Variants in LRMDA observed in about 807,000 individuals in gnomAD.
LRMDA encodes the protein leucine rich melanocyte differentiation associated.
Under a neutral mutation model 29.8 loss-of-function variants are expected in LRMDA, and 18 were observed. That is an observed-to-expected ratio of 0.60 (90% confidence interval 0.42 to 0.90). LRMDA has a LOEUF of 0.90. Ranked by LOEUF, LRMDA falls within the 40% of genes least tolerant of loss-of-function variation. The probability of loss-of-function intolerance (pLI) is 0.00; values close to 1 mark genes in which losing one functional copy is unlikely to be tolerated. For synonymous variants in LRMDA, 125 were observed against 109.4 expected (o/e 1.14, Z -0.89); for missense variants, 273 against 273.9 (o/e 1.00, Z 0.02).
At chr10:76,557,072 C>T in intron 6 of LRMDA, 137 bp from the exon 7 acceptor site, 8 of 681,714 alleles carry the variant, frequency 1.2e-5, no homozygotes, top group Non-Finnish European at 1.8e-5. Flanking sequence ...AGGGAGAGTT[C>T]TTCCCTTCTG....
intron 2 of LRMDA, among the ~76,000 whole-genome samples, chr10:75,847,132 G>T (rs928757840): frequency 2.0e-5 from 3 of 152,040 alleles, no homozygotes; most frequent in African/African-American, 7.2e-5. Flanking sequence ...TAATCAAGAT[G>T]GTGTGCTATT....
chr10:75,525,827 T>G (rs2132039841), intron 2 of LRMDA, among the ~76,000 whole-genome samples: 1 of 151,606 alleles, frequency 6.6e-6, no homozygotes, highest in South Asian at 2.1e-4. Flanking sequence ...TTATAAAGCC[T>G]TTCGTAATAT....
chr10:76,353,121 C>A (rs995370641), intron 6 of LRMDA, among the ~76,000 whole-genome samples: 1 of 152,052 alleles, frequency 6.6e-6, no homozygotes, highest in African/African-American at 2.4e-5. Flanking sequence ...ATCAGAGTCT[C>A]AGTGTAGACT....
At chr10:76,553,688 AACACAAAAGTC>A (rs1241698562) in intron 6 of LRMDA, among the ~76,000 whole-genome samples, 2 of 152,250 alleles carry the variant, frequency 1.3e-5, no homozygotes, top group East Asian at 1.9e-4. Flanking sequence ...TTTATTTTTG[AACACAAAAGTC>A]ACATATTGGG....
At chr10:75,717,253 A>G (rs907543870) in intron 2 of LRMDA, among the ~76,000 whole-genome samples, 3 of 152,186 alleles carry the variant, frequency 2.0e-5, no homozygotes, top group Non-Finnish European at 2.9e-5. Flanking sequence ...TGAGTGTGAC[A>G]GAATGACTTC....
At chr10:75,527,058 A>G (rs1458067027) in intron 2 of LRMDA, among the ~76,000 whole-genome samples, 1 of 152,148 alleles carries the variant, frequency 6.6e-6, no homozygotes, top group Non-Finnish European at 1.5e-5. Context: ...ACTCCTGGCA[A>G]CCACTAATCT....
intron 5 of LRMDA, among the ~76,000 whole-genome samples, chr10:76,126,224 C>T (rs889103794): frequency 6.6e-6 from 1 of 152,196 alleles, no homozygotes; most frequent in Non-Finnish European, 1.5e-5. Flanking sequence ...CTGGCTTTTC[C>T]AGTTGCCTCT....
At chr10:76,383,067 A>T (rs532289274) in intron 6 of LRMDA, among the ~76,000 whole-genome samples, 1 of 152,346 alleles carries the variant, frequency 6.6e-6, no homozygotes, top group African/African-American at 2.4e-5. Context: ...CTCAAGCTAC[A>T]TGTCTCAATC....
intron 2 of LRMDA, among the ~76,000 whole-genome samples, chr10:75,810,187 A>G (rs1183696778): frequency 3.3e-5 from 5 of 152,226 alleles, no homozygotes; most frequent in Non-Finnish European, 7.3e-5. Flanking sequence ...GTGGGGCATG[A>G]CGAGGCCAGG....
intron 5 of LRMDA, among the ~76,000 whole-genome samples, chr10:76,133,859 G>A (rs932957761): frequency 1.3e-4 from 20 of 152,168 alleles, no homozygotes; most frequent in Non-Finnish European, 2.2e-4. Flanking sequence ...GGGGAGATGA[G>A]GATGGGGGTG....
At chr10:75,908,653 G>A (rs57696672) in intron 2 of LRMDA, among the ~76,000 whole-genome samples, 2 of 152,200 alleles carry the variant, frequency 1.3e-5, no homozygotes, top group African/African-American at 2.4e-5. Flanking sequence ...GCTCTCCATC[G>A]ATGTCATCCT....
At chr10:75,922,162 A>G (rs1476806055) in intron 2 of LRMDA, among the ~76,000 whole-genome samples, 1 of 152,136 alleles carries the variant, frequency 6.6e-6, no homozygotes, top group African/African-American at 2.4e-5. Flanking sequence ...CATTCCTTCC[A>G]TGCTCCATCA....
At chr10:75,937,711 C>T (rs1398684569) in intron 2 of LRMDA, among the ~76,000 whole-genome samples, 1 of 152,188 alleles carries the variant, frequency 6.6e-6, no homozygotes, top group African/African-American at 2.4e-5. Context: ...GACTTCACTT[C>T]CACCTGGGGC....
At chr10:75,723,750 T>C (rs1274907791) in intron 2 of LRMDA, among the ~76,000 whole-genome samples, 1 of 152,168 alleles carries the variant, frequency 6.6e-6, no homozygotes, top group Non-Finnish European at 1.5e-5. Flanking sequence ...ATACATAAAA[T>C]TGCACTGATG....
At chr10:75,644,740 A>T (rs139939233) in intron 2 of LRMDA, among the ~76,000 whole-genome samples, 1 of 152,150 alleles carries the variant, frequency 6.6e-6, no homozygotes, top group African/African-American at 2.4e-5. Context: ...CATGCCGCCA[A>T]CTGATTCTCT....
intron 5 of LRMDA, among the ~76,000 whole-genome samples, chr10:76,135,948 C>T (rs529494672): frequency 6.6e-6 from 1 of 152,102 alleles, no homozygotes; most frequent in Non-Finnish European, 1.5e-5. Context: ...AATTGTATTA[C>T]CCAAGAACTT....
At chr10:76,510,215 C>T (rs1181067498) in intron 6 of LRMDA, among the ~76,000 whole-genome samples, 2 of 151,978 alleles carry the variant, frequency 1.3e-5, no homozygotes, top group Non-Finnish European at 2.9e-5. Context: ...AGACTACAAG[C>T]GTGTGCCACC....
intron 6 of LRMDA, among the ~76,000 whole-genome samples, chr10:76,468,010 C>T (rs968406687): frequency 5.3e-5 from 8 of 152,166 alleles, no homozygotes; most frequent in Middle Eastern, 3.2e-3. Flanking sequence ...TTTAAATTAT[C>T]CTAACTTTAT....
At chr10:76,533,986 TG>T (rs1391321026) in intron 6 of LRMDA, among the ~76,000 whole-genome samples, 1 of 152,190 alleles carries the variant, frequency 6.6e-6, no homozygotes, top group Non-Finnish European at 1.5e-5. Flanking sequence ...TGGAATCTAG[TG>T]GGATGCTCAT....
Sources: allele counts gnomAD v4.1 joint callset (sites outside exome capture counted in the v4.1 genomes callset), GRCh38; gene constraint gnomAD v4.1.1; transcripts MANE v1.5; gene names NCBI Gene and HGNC (gene_info 2026-07-23, HGNC 2026-07-21).